TIMELESS: variants seen among roughly 807,000 people sequenced by gnomAD.
The protein encoded by TIMELESS is protein timeless homolog.
Under a neutral mutation model 164.3 loss-of-function variants are expected in TIMELESS, and 124 were observed. The ratio of observed to expected loss-of-function variants is 0.75; its 90% CI spans 0.65 to 0.88. The LOEUF is 0.88. Among genes scored for constraint, TIMELESS ranks in the 40% least tolerant of loss-of-function variants. The probability of loss-of-function intolerance (pLI) is 0.00; values close to 1 mark genes in which losing one functional copy is unlikely to be tolerated. For missense variants in TIMELESS, 1,422 were observed against 1,491.4 expected (o/e 0.95, Z 0.77); for synonymous variants, 564 against 563.4 (o/e 1.00, Z -0.02).
At chr12:56,437,302 T>A (rs1882103548) in intron 1 of TIMELESS, among the ~76,000 whole-genome samples, 1 of 152,088 alleles carries the variant, frequency 6.6e-6, no homozygotes, top group Non-Finnish European at 1.5e-5. Context: ...AACAGTAAAC[T>A]GATTTCAGAA....
Position 56,428,561 on chromosome 12 carries a change from G to C in TIMELESS, c.1396C>G (p.Arg466Gly), listed in dbSNP as rs143437490. ...SPDEAVRESS[R>G]IIKNNIFYVM... is the part of the protein sequence containing the mutation. ...GCCAGGGCCTCACTCTTGATGATGC[G>C]GCTGCTCTCCCTCACAGCCTCATCT... Residue 466 changes from arginine to glycine, a missense_variant, in exon 12 of 29, where the codon CGC becomes GGC. Transcript: ENST00000553532. 221 of 1,613,830 alleles carry C rather than the reference G, an allele frequency of 1.4e-4. No homozygotes were observed. Among genetic ancestry groups the C allele is most frequent in the Non-Finnish European group, 1.8e-4 (214 of 1,179,950 alleles).
intron 26 of TIMELESS, among the ~76,000 whole-genome samples, chr12:56,420,023 AAAAAAAAT>A (rs1404783645): frequency 1.1e-5 from 1 of 92,426 alleles, no homozygotes; most frequent in South Asian, 3.9e-4. Context: ...AAAAAAAAAA[AAAAAAAAT>A]ATATATATAT....
In TIMELESS at chr12:56,433,133, C is replaced by A. The variant is rs777554272; in HGVS notation, c.430-6G>T. 1 of 1,613,858 alleles carries A rather than the reference C, an allele frequency of 6.2e-7. No homozygotes were observed. Among genetic ancestry groups the A allele is most frequent in the South Asian group, 1.1e-5 (1 of 91,060 alleles). On this transcript the variant is annotated splice_polypyrimidine_tract_variant and splice_region_variant and intron_variant, in intron 5 of 28. Coordinates refer to ENST00000553532, the MANE Select transcript of TIMELESS (RefSeq NM_003920.5). Reference sequence around the variant, plus strand: ...TCCTGCCGTTCCTCCCAGCCCTAACCAGAAGAGAGTAAGAGGAAGAGACTC... The same window carrying A: ...TCCTGCCGTTCCTCCCAGCCCTAACAAGAAGAGAGTAAGAGGAAGAGACTC...
At chr12:56,432,186 G>C (rs1219687935) in intron 7 of TIMELESS, among the ~76,000 whole-genome samples, 183 bp downstream of exon 7, 1 of 152,122 alleles carries the variant, frequency 6.6e-6, no homozygotes. Context: ...GGTTGACTGT[G>C]AGTAACTGAA....
intron 1 of TIMELESS, among the ~76,000 whole-genome samples, chr12:56,447,190 T>TG (rs1429759951): frequency 6.3e-4 from 44 of 69,352 alleles, no homozygotes; most frequent in African/African-American, 1.4e-3. Context: ...TTGTTTTTTT[T>TG]TTTTTTTTTT....
At position 56,420,463 on chromosome 12, in the gene TIMELESS, TGAC is replaced by T. The variant is rs1408995311; in HGVS notation, c.3228+103_3228+105del. ...GACAAGACAATGAGAAGGACCAAGA[TGAC>T]GATAAGGATAAGGAGGACCACCATG... On this transcript the variant is annotated intron_variant, in intron 26 of 28. Transcript: ENST00000553532. 5.0e-6 allele frequency: 4 copies of T among 801,360 alleles called. No homozygotes were observed. The African/African-American group carries it at 1.2e-4, about 24-fold the overall frequency. 49.6% of individuals were successfully genotyped at this position (801,360 alleles called of 1,614,324 possible).
chr12:56,420,905 A>G (rs1881456325), intron 24 of TIMELESS, 24 bp from the exon 25 acceptor site: 12 of 1,614,090 alleles, frequency 7.4e-6, no homozygotes, highest in Non-Finnish European at 9.3e-6. Context: ...GGAAACTTAC[A>G]TTTGACCCTA....
chr12:56,422,234 C>A, intron 19 of TIMELESS, 43 bp from the exon 20 acceptor site: 1 of 1,579,818 alleles, frequency 6.3e-7, no homozygotes, highest in Non-Finnish European at 8.7e-7. Flanking sequence ...GTTCTTGGCC[C>A]AAAAAGAGGA....
At chr12:56,447,095 C>A (rs1188728109) in intron 1 of TIMELESS, among the ~76,000 whole-genome samples, 1 of 151,030 alleles carries the variant, frequency 6.6e-6, no homozygotes, top group Non-Finnish European at 1.5e-5. Flanking sequence ...CTGCAACCTC[C>A]GCCTCCCGGG....
intron 1 of TIMELESS, among the ~76,000 whole-genome samples, chr12:56,437,324 A>G (rs975179014): frequency 2.6e-5 from 4 of 152,234 alleles, no homozygotes; most frequent in Non-Finnish European, 5.9e-5. Flanking sequence ...ATATAACTGA[A>G]GAAAATAATT....
At position 56,430,951 on chromosome 12, in the gene TIMELESS, C is replaced by A. The variant is rs1171794655; in HGVS notation, c.839G>T (p.Gly280Val). The A allele has an allele frequency of 3.8e-6, 6 of 1,584,378 alleles. No homozygotes were observed. Among genetic ancestry groups the A allele is most frequent in the Non-Finnish European group, 5.1e-6 (6 of 1,168,880 alleles). The part of the protein sequence containing the change: ...QRGNRHSRFG[G>V]SYIVQGLKSI... ...TTTCAACCCCTGGACAATATAGGAG[C>A]CCCCAAATCGAGAATGCCTGCAGAA... Residue 280 changes from glycine (G) to valine (V), a missense_variant, in exon 9 of 29, where the codon GGC becomes GTC. Coordinates refer to ENST00000553532, the MANE Select transcript of TIMELESS (RefSeq NM_003920.5).
chr12:56,428,476 T>C (rs1418570411), intron 12 of TIMELESS, 71 bp from the exon 13 acceptor site: 3 of 1,607,638 alleles, frequency 1.9e-6, no homozygotes, highest in African/African-American at 2.7e-5. Context: ...TGGATGAAGC[T>C]GGGACTGGGA....
At chr12:56,435,958 T>A (rs71447776) in intron 1 of TIMELESS, among the ~76,000 whole-genome samples, 77,721 of 138,084 alleles carry the variant, frequency 0.56, 22,341 homozygotes, top group African/African-American at 0.66. Context: ...GACTCCGTCT[T>A]AAAAAAAAAA....
chr12:56,439,373 G>T lies in TIMELESS; in HGVS notation c.-61-5142C>A, dbSNP rs185624905. On this transcript the variant is annotated intron_variant, in intron 1 of 28. Coordinates refer to ENST00000553532, the MANE Select transcript of TIMELESS (RefSeq NM_003920.5). ...CTCTCTGAATATACTAAAAATCACA[G>T]AATTGTACAGGGGTTTTCTTTTTTT... 4.7e-5 allele frequency among the ~76,000 whole-genome samples: 7 copies of T among 148,198 alleles called. No individual in the cohort carries two copies. The East Asian group carries it at 1.4e-3, about 29-fold the overall frequency.
Position 56,428,310 on chromosome 12 carries a change from G to A in TIMELESS, c.1504C>T (p.Leu502=), listed in dbSNP as rs1881741865. The change falls in exon 13 of 29, where the codon CTG becomes TTG. Residue 502 remains leucine (L), a synonymous_variant. Transcript: ENST00000553532. ...RCQPRSFLRD[L]VETTHLFLKM... ...AGGAAGAGGTGGGTGGTCTCCACCA[G>A]GTCACGAAGGAAAGAGCGGGGCTGG... 3 of 1,613,724 alleles carry A rather than the reference G, an allele frequency of 1.9e-6. No homozygotes were observed. Among genetic ancestry groups the A allele is most frequent in the East Asian group, 4.5e-5 (2 of 44,870 alleles).
intron 26 of TIMELESS, 57 bp from the exon 27 acceptor site, chr12:56,418,416 T>A: frequency 8.0e-7 from 1 of 1,255,960 alleles, no homozygotes; most frequent in Non-Finnish European, 1.1e-6. Flanking sequence ...TCCCAGAGTA[T>A]GATATTCATT....
At chr12:56,426,485 C>T (rs112023061) in intron 13 of TIMELESS, among the ~76,000 whole-genome samples, 131 of 150,874 alleles carry the variant, frequency 8.7e-4, no homozygotes, top group East Asian at 5.8e-3. Flanking sequence ...CACCTGGGTT[C>T]AAGCGATTCT....
chr12:56,424,832 T>C lies in TIMELESS; in HGVS notation c.1798A>G (p.Met600Val), dbSNP rs766752097. 9 of 1,614,056 alleles carry C rather than the reference T, an allele frequency of 5.6e-6. No homozygotes were observed. The highest frequency in any genetic ancestry group is 7.6e-6 in the Non-Finnish European group (9 of 1,180,034). The change falls in exon 15 of 29, where the codon ATG (methionine) becomes GTG (valine). Residue 600 changes from methionine to valine, a missense_variant. Transcript: ENST00000553532. ...VPVEEQRAEA[M>V]VRIQDCLLAG... The stretch of plus-strand genomic sequence containing the variant: ...AGGAGACAGTCTTGGATCCGTACCA[T>C]AGCTTCTGCCCGCTGCTCCTCCACT...
rs746965893 is a variant in TIMELESS, at chr12:56,430,194, G to A, written c.997C>T (p.Arg333Cys). Residue 333 changes from arginine (R) to cysteine (C), a missense_variant, in exon 10 of 29, where the codon CGT becomes TGT. By Grantham distance (180) the Arg-to-Cys change is radical. Transcript: ENST00000553532. The part of the protein sequence containing the change: ...QAARELSIQR[R>C]SALNVRLFLR... Reference sequence around the variant, plus strand: ...AAGAGCCTCACATTGAGGGCAGAACGGCGCTGAATGGACAGCTCTCGGGCG... The same window carrying A: ...AAGAGCCTCACATTGAGGGCAGAACAGCGCTGAATGGACAGCTCTCGGGCG... 6 of 1,613,996 alleles carry A rather than the reference G, an allele frequency of 3.7e-6. No homozygotes were observed. The highest frequency in any genetic ancestry group is 1.1e-5 in the South Asian group (1 of 91,086).
Sources: allele counts gnomAD v4.1 joint callset (sites outside exome capture counted in the v4.1 genomes callset), GRCh38; gene constraint gnomAD v4.1.1; transcripts MANE v1.5; gene names NCBI Gene and HGNC (gene_info 2026-07-23, HGNC 2026-07-21).